The following PLCL2 variants were observed in gnomAD, a reference collection of about 807,000 sequenced individuals.
PLCL2 encodes the protein phospholipase C like 2.
Under a neutral mutation model 79.6 loss-of-function variants are expected in PLCL2, and 4 were observed. The ratio of observed to expected loss-of-function variants is 0.05; its 90% CI spans 0.02 to 0.11. The LOEUF is 0.11. Ranked by LOEUF, PLCL2 falls within the 10% of genes least tolerant of loss-of-function variation. PLCL2 has a pLI of 1.00. For synonymous variants in PLCL2, 484 were observed against 457.7 expected (o/e 1.06, Z -0.73); for missense variants, 895 against 1,291.0 (o/e 0.69, Z 4.70).
At chr3:17,080,531 A>C (rs1037898642) in intron 5 of PLCL2, among the ~76,000 whole-genome samples, 2 of 151,818 alleles carry the variant, frequency 1.3e-5, no homozygotes, top group Admixed American at 1.3e-4. Context: ...GCTCACTGCA[A>C]CCTCCACCTC....
chr3:17,071,478 T>C (rs1461840622), intron 5 of PLCL2, among the ~76,000 whole-genome samples: 1 of 152,220 alleles, frequency 6.6e-6, no homozygotes, highest in African/African-American at 2.4e-5. Flanking sequence ...CATTTGTTGT[T>C]ATAAATCTAT....
intron 5 of PLCL2, among the ~76,000 whole-genome samples, chr3:17,074,732 T>G (rs1335176388): frequency 2.6e-5 from 4 of 152,258 alleles, no homozygotes; most frequent in Non-Finnish European, 5.9e-5. Context: ...TGCTTCGCAT[T>G]GCACTTTGAT....
At chr3:17,053,854 G>A (rs527945802) in intron 4 of PLCL2, among the ~76,000 whole-genome samples, 46 of 152,304 alleles carry the variant, frequency 3.0e-4, no homozygotes, top group African/African-American at 1.0e-3. Context: ...TGTGATAGGA[G>A]GGGCTGTCAG....
intron 1 of PLCL2, among the ~76,000 whole-genome samples, chr3:16,924,476 C>G (rs532282214): frequency 2.7e-4 from 41 of 152,136 alleles, no homozygotes; most frequent in African/African-American, 7.0e-4. Context: ...GTGTATATGT[C>G]GAAACATATT....
chr3:17,078,442 T>G (rs2065129000), intron 5 of PLCL2, among the ~76,000 whole-genome samples: 1 of 145,052 alleles, frequency 6.9e-6, no homozygotes, highest in South Asian at 2.3e-4. Flanking sequence ...CTGGGGTGGC[T>G]GGGATGGCTG....
At chr3:16,914,221 C>G (rs539789069) in intron 1 of PLCL2, among the ~76,000 whole-genome samples, 1 of 152,168 alleles carries the variant, frequency 6.6e-6, no homozygotes, top group South Asian at 2.1e-4. Context: ...TAACATAGAT[C>G]TTAATATAGT....
intron 3 of PLCL2, among the ~76,000 whole-genome samples, chr3:17,036,175 A>G (rs1575598229): frequency 6.6e-6 from 1 of 152,278 alleles, no homozygotes; most frequent in African/African-American, 2.4e-5. Flanking sequence ...TCCTCCCCAC[A>G]GTGGACTGCA....
chr3:17,025,490 A>G (rs2124904345), intron 3 of PLCL2, among the ~76,000 whole-genome samples: 1 of 152,320 alleles, frequency 6.6e-6, no homozygotes, highest in Admixed American at 6.5e-5. Context: ...GGGATGTACA[A>G]TCACATTTTA....
chr3:17,070,173 T>G (rs1377070019), intron 5 of PLCL2, among the ~76,000 whole-genome samples: 1 of 152,190 alleles, frequency 6.6e-6, no homozygotes, highest in Non-Finnish European at 1.5e-5. Flanking sequence ...GGGAACTTGT[T>G]AGAAATTCAG....
intron 1 of PLCL2, among the ~76,000 whole-genome samples, chr3:16,918,774 G>C (rs1431984027): frequency 6.6e-6 from 1 of 152,156 alleles, no homozygotes; most frequent in Non-Finnish European, 1.5e-5. Flanking sequence ...ACCTCACCTA[G>C]TTATATAATT....
At chr3:17,073,410 C>G (rs1042233245) in intron 5 of PLCL2, among the ~76,000 whole-genome samples, 1 of 152,180 alleles carries the variant, frequency 6.6e-6, no homozygotes, top group African/African-American at 2.4e-5. Context: ...ATCATCTAAG[C>G]CCTCAGTTAG....
intron 1 of PLCL2, among the ~76,000 whole-genome samples, chr3:16,911,828 T>C (rs1696887964): frequency 6.6e-6 from 1 of 152,246 alleles, no homozygotes; most frequent in Non-Finnish European, 1.5e-5. Flanking sequence ...CTGAAACTTT[T>C]TGGGTACCAA....
intron 1 of PLCL2, among the ~76,000 whole-genome samples, chr3:16,947,018 C>T (rs999222557): frequency 3.0e-5 from 4 of 132,512 alleles, no homozygotes; most frequent in African/African-American, 1.2e-4. Context: ...TGCAGTGGCA[C>T]GGTCATGGCT....
chr3:17,085,912 A>C (rs2065215325), intron 5 of PLCL2, among the ~76,000 whole-genome samples: 2 of 152,266 alleles, frequency 1.3e-5, no homozygotes, highest in Non-Finnish European at 2.9e-5. Context: ...AAAGGTATCA[A>C]AGAATTAAGT....
intron 3 of PLCL2, among the ~76,000 whole-genome samples, chr3:17,024,460 T>TA (rs1559523092): frequency 6.6e-6 from 1 of 152,144 alleles, no homozygotes; most frequent in African/African-American, 2.4e-5. Flanking sequence ...AAGCCCTTTT[T>TA]AAAAAAAGTT....
At chr3:17,039,794 T>C (rs2064700290) in intron 3 of PLCL2, among the ~76,000 whole-genome samples, 1 of 152,202 alleles carries the variant, frequency 6.6e-6, no homozygotes, top group African/African-American at 2.4e-5. Context: ...CTTCTCACTA[T>C]TGTGTTCTCC....
In PLCL2 at chr3:16,887,138, G is replaced by C. The variant is rs1362853550; in HGVS notation, c.327+1772G>C. On this transcript the variant is annotated intron_variant, in intron 1 of 5. Coordinates refer to ENST00000615277, the MANE Select transcript of PLCL2 (RefSeq NM_001144382.2). This position sits in a 1 kb window ranked among gnomAD's most constrained non-coding sequence, Gnocchi z 4.1. ...AATAGATACCATTTCTTAATTGAAG[G>C]CTCTAGAAGCACATGGGGGAAATGA... 6.6e-6 allele frequency among the ~76,000 whole-genome samples: 1 copy of C among 152,176 alleles called. No individual in the cohort carries two copies. The highest frequency in any genetic ancestry group is 2.1e-4 in the South Asian group (1 of 4,828).
intron 1 of PLCL2, among the ~76,000 whole-genome samples, chr3:16,956,067 T>G (rs1036048575): frequency 6.1e-4 from 93 of 152,290 alleles, no homozygotes; most frequent in Non-Finnish European, 1.0e-3. Flanking sequence ...AACACTATGT[T>G]GAATAGGAGT....
chr3:17,055,821 C>G (rs1394166619), intron 4 of PLCL2, among the ~76,000 whole-genome samples: 2 of 152,186 alleles, frequency 1.3e-5, no homozygotes, highest in Non-Finnish European at 2.9e-5. Flanking sequence ...CTCTGTCTCT[C>G]ACAGGGAGAG....
Sources: allele counts gnomAD v4.1 joint callset (sites outside exome capture counted in the v4.1 genomes callset), GRCh38; gene constraint gnomAD v4.1.1; non-coding constraint Gnocchi (gnomAD v3.1); transcripts MANE v1.5; gene names NCBI Gene and HGNC (gene_info 2026-07-23, HGNC 2026-07-21).